OSBPL2: variants seen among roughly 807,000 people sequenced by gnomAD.
OSBPL2 encodes oxysterol-binding protein-related protein 2.
OSBPL2 carries 18 observed loss-of-function variants against 58.4 expected under a neutral mutation model. That is an observed-to-expected ratio of 0.31 (90% CI 0.21 to 0.46). The LOEUF is 0.46. Ranked by LOEUF, OSBPL2 falls within the 20% of genes least tolerant of loss-of-function variation. The probability of loss-of-function intolerance (pLI) is 1.00; values close to 1 mark genes in which losing one functional copy is unlikely to be tolerated. For missense variants in OSBPL2, 461 were observed against 616.5 expected, an observed-to-expected ratio of 0.75 and a Z score of 2.67; for synonymous variants, 221 against 234.1, an observed-to-expected ratio of 0.94 and a Z score of 0.51.
At chr20:62,267,137 CG>C (rs1981725304) in intron 4 of OSBPL2, among the ~76,000 whole-genome samples, 1 of 152,186 alleles carries the variant, frequency 6.6e-6, no homozygotes, top group South Asian at 2.1e-4. Flanking sequence ...CCCAGCTACT[CG>C]GGTGGCTGAT....
rs779675093 is a variant in OSBPL2, at chr20:62,286,642, G to A, written c.1056G>A (p.Glu352=). ...DVADDVPVAQ[E]TVQVIPGSKL... is the part of the protein sequence containing the mutation. ...CTGACGACGTGCCTGTGGCCCAGGA[G>A]ACCGTGCAGGTCATTCCTGGCAGCA... is the stretch of plus-strand genomic sequence containing the variant. Residue 352 remains glutamate (E), a synonymous_variant, in exon 11 of 14, where the codon GAG becomes GAA. Coordinates refer to ENST00000313733, the MANE Select transcript of OSBPL2 (RefSeq NM_144498.4). 4.3e-6 allele frequency: 7 copies of A among 1,613,686 alleles called. No individual in the cohort carries two copies. The South Asian group carries it at 6.6e-5, about 15-fold the overall frequency.
chr20:62,268,492 C>G (rs908035087), intron 4 of OSBPL2, among the ~76,000 whole-genome samples: 1 of 152,154 alleles, frequency 6.6e-6, no homozygotes, highest in African/African-American at 2.4e-5. Context: ...CATGTATCTT[C>G]TCCCCACTTC....
chr20:62,260,032 T>A lies in OSBPL2; in HGVS notation c.89T>A (p.Val30Asp), dbSNP rs147046073. Residue 30 changes from valine to aspartate, a missense_variant, in exon 3 of 14, where the codon GTC becomes GAC. Around this residue, in one of 5 missense-constraint regions of OSBPL2, gnomAD observed 80 missense variants for 74.8 expected, o/e 1.07. Transcript: ENST00000313733. ...GAATTTTCAGAGGCAAATCAGAAAG[T>A]CACGGGAATGATTGACTTAGACACC... ...SGEFSEANQK[V>D]TGMIDLDTSK... 5 of 1,613,618 alleles carry A rather than the reference T, an allele frequency of 3.1e-6. No individual in the cohort carries two copies. In the Admixed American group the frequency reaches 5.0e-5, roughly 16 times the overall value.
chr20:62,245,417 G>C (rs1386387766), intron 1 of OSBPL2, among the ~76,000 whole-genome samples: 3 of 152,186 alleles, frequency 2.0e-5, no homozygotes, highest in Admixed American at 6.5e-5. Context: ...CAGCTAAGGC[G>C]TGTTACATTC....
At chr20:62,240,639 T>C (rs1311059551) in intron 1 of OSBPL2, among the ~76,000 whole-genome samples, 1 of 152,244 alleles carries the variant, frequency 6.6e-6, no homozygotes, top group Non-Finnish European at 1.5e-5. Flanking sequence ...TACTGCCTTT[T>C]AATATCAAGA....
chr20:62,273,738 G>A (rs1982218368), intron 6 of OSBPL2, among the ~76,000 whole-genome samples: 1 of 152,182 alleles, frequency 6.6e-6, no homozygotes, highest in Non-Finnish European at 1.5e-5. Flanking sequence ...GAGCTTCACC[G>A]AAAATGGAAA....
At chr20:62,267,085 A>G (rs1981720087) in intron 4 of OSBPL2, among the ~76,000 whole-genome samples, 1 of 152,250 alleles carries the variant, frequency 6.6e-6, no homozygotes, top group African/African-American at 2.4e-5. Flanking sequence ...TCCCATCTCT[A>G]CAAAAAAGAA....
At chr20:62,272,289 T>G in intron 5 of OSBPL2, 30 bp downstream of exon 5, 1 of 1,608,034 alleles carries the variant, frequency 6.2e-7, no homozygotes, top group Non-Finnish European at 8.5e-7. Context: ...GGCAGGAGTT[T>G]GTCATGAAAG....
At chr20:62,281,312 G>C in intron 8 of OSBPL2, 147 bp downstream of exon 8, 1 of 612,638 alleles carries the variant, frequency 1.6e-6, no homozygotes, top group Non-Finnish European at 3.0e-6. Flanking sequence ...CATAGCAGCT[G>C]CCTAGACTTG....
intron 1 of OSBPL2, among the ~76,000 whole-genome samples, chr20:62,248,038 A>G (rs963654962): frequency 1.3e-5 from 2 of 152,200 alleles, no homozygotes; most frequent in South Asian, 2.1e-4. Context: ...AAAATACCAC[A>G]TAAGGCTCTG....
At chr20:62,273,750 A>G (rs1312702281) in intron 6 of OSBPL2, among the ~76,000 whole-genome samples, 1 of 152,228 alleles carries the variant, frequency 6.6e-6, no homozygotes, top group Non-Finnish European at 1.5e-5. Context: ...AAATGGAAAT[A>G]GGTACTAATG....
At chr20:62,253,182 C>T (rs1376972411) in intron 1 of OSBPL2, among the ~76,000 whole-genome samples, 4 of 152,254 alleles carry the variant, frequency 2.6e-5, no homozygotes, top group African/African-American at 7.2e-5. Context: ...GTGATGGTCA[C>T]GCACCTGTGT....
chr20:62,266,405 G>T (rs1165075996), intron 4 of OSBPL2, among the ~76,000 whole-genome samples: 3 of 152,170 alleles, frequency 2.0e-5, no homozygotes, highest in Non-Finnish European at 4.4e-5. Flanking sequence ...AGCACACTTG[G>T]CAACGTGGAC....
intron 11 of OSBPL2, 38 bp downstream of exon 11, chr20:62,286,749 C>A: frequency 6.3e-7 from 1 of 1,586,494 alleles, no homozygotes. Flanking sequence ...TCTGCCTGCT[C>A]ATGTCACACC....
chr20:62,265,892 G>T lies in OSBPL2; in HGVS notation c.258+2201G>T, dbSNP rs541715144. ...CATGCCCTCAGGAAAGCTGAGGGAA[G>T]AGGATTGCTTGAGGCCAGGAGCTTG... On this transcript the variant is annotated intron_variant, in intron 4 of 13. Coordinates refer to ENST00000313733, the MANE Select transcript of OSBPL2 (RefSeq NM_144498.4). Among the ~76,000 whole-genome samples, 47 of 152,310 alleles carry T rather than the reference G, an allele frequency of 3.1e-4. 1 individual carries two copies. The South Asian group carries it at 9.5e-3, about 31-fold the overall frequency.
At chr20:62,240,142 C>A (rs144648592) in intron 1 of OSBPL2, among the ~76,000 whole-genome samples, 1 of 152,160 alleles carries the variant, frequency 6.6e-6, no homozygotes, top group Non-Finnish European at 1.5e-5. Flanking sequence ...TGCGAGCCAC[C>A]GCGCCCTGCC....
rs1350870914 is a variant in OSBPL2, at chr20:62,270,296, ACCT to A, written c.259-1820_259-1818del. 3.4e-5 allele frequency among the ~76,000 whole-genome samples: 5 copies of A among 147,398 alleles called. No individual in the cohort carries two copies. In the East Asian group the frequency reaches 1.0e-3, roughly 30 times the overall value. On this transcript the variant is annotated intron_variant, in intron 4 of 13. Coordinates refer to ENST00000313733, the MANE Select transcript of OSBPL2 (RefSeq NM_144498.4). ...CTGCCATGTCCCTGTTGCCACTAGC[ACCT>A]CCTCCTCCACTCCCTCCTGGCCTCT...
intron 1 of OSBPL2, among the ~76,000 whole-genome samples, chr20:62,241,904 T>C (rs1163229330): frequency 1.3e-5 from 2 of 152,214 alleles, no homozygotes; most frequent in Admixed American, 6.5e-5. Flanking sequence ...GTTTAGTGTT[T>C]AGCACAGATT....
chr20:62,280,176 CAAAT>C, intron 7 of OSBPL2: 1 of 1,147,918 alleles, frequency 8.7e-7, no homozygotes, highest in South Asian at 1.3e-5. Context: ...CAGGTCCTAA[CAAAT>C]ACATACAGAA....
Sources: allele counts gnomAD v4.1 joint callset (sites outside exome capture counted in the v4.1 genomes callset), GRCh38; gene constraint gnomAD v4.1.1; regional missense constraint gnomAD v4.1.1; transcripts MANE v1.5; gene names NCBI Gene and HGNC (gene_info 2026-07-23, HGNC 2026-07-21).